Variants in CFDP1 observed in about 807,000 individuals in gnomAD.
The protein encoded by CFDP1 is chromatin remodeling protein CFDP1.
Under a neutral mutation model 40.1 loss-of-function variants are expected in CFDP1, and 31 were observed. The ratio of observed to expected loss-of-function variants is 0.77; its 90% CI spans 0.58 to 1.04. The LOEUF is 1.04. Among genes scored for constraint, CFDP1 ranks in the 50% least tolerant of loss-of-function variants. The probability of loss-of-function intolerance (pLI) is 0.00; values close to 1 mark genes in which losing one functional copy is unlikely to be tolerated. For synonymous variants in CFDP1, 167 were observed against 120.0 expected (o/e 1.39, Z -2.56); for missense variants, 423 against 343.4 (o/e 1.23, Z -1.83).
chr16:75,398,120 T>A (rs1287783623), intron 4 of CFDP1, among the ~76,000 whole-genome samples: 2 of 152,226 alleles, frequency 1.3e-5, no homozygotes, highest in Non-Finnish European at 2.9e-5. Context: ...TCTCAGATAC[T>A]CAGAGGCAAA....
At chr16:75,393,624 G>A (rs1003083329) in intron 5 of CFDP1, among the ~76,000 whole-genome samples, 16 of 150,330 alleles carry the variant, frequency 1.1e-4, no homozygotes, top group African/African-American at 2.2e-4. Context: ...CCAGCTACTC[G>A]GGAGGCTGAG....
chr16:75,401,062 G>A (rs1346574854), intron 4 of CFDP1, among the ~76,000 whole-genome samples: 3 of 152,120 alleles, frequency 2.0e-5, no homozygotes, highest in Non-Finnish European at 4.4e-5. Flanking sequence ...TTGGGAGGCC[G>A]AGGTGGGCAG....
At chr16:75,403,510 C>A (rs757583672) in intron 4 of CFDP1, among the ~76,000 whole-genome samples, 4 of 152,172 alleles carry the variant, frequency 2.6e-5, no homozygotes, top group Non-Finnish European at 4.4e-5. Flanking sequence ...TGTGCCACTG[C>A]GCCTGGCCTA....
rs76791030 is a variant in CFDP1 at position 75,325,535 on chromosome 16, T to G, written c.651-20353A>C. Among the ~76,000 whole-genome samples the G allele has an allele frequency of 3.2e-3, 480 of 152,346 alleles. 1 individual carries two copies. The highest frequency in any genetic ancestry group is 0.011 in the African/African-American group (454 of 41,580). The stretch of plus-strand genomic sequence containing the variant: ...TTTCTCTATCACACTTAGCATTTTC[T>G]AATGTATCCCATAATTTATTTGTTA... On this transcript the variant is annotated intron_variant, in intron 5 of 6. Coordinates refer to ENST00000283882, the MANE Select transcript of CFDP1 (RefSeq NM_006324.3).
chr16:75,334,627 G>A (rs187145305), intron 5 of CFDP1, among the ~76,000 whole-genome samples: 3 of 152,004 alleles, frequency 2.0e-5, no homozygotes, highest in Non-Finnish European at 2.9e-5. Flanking sequence ...CAAGGCTTAC[G>A]AAGAAACCAA....
chr16:75,349,761 G>C (rs1420401510), intron 5 of CFDP1, among the ~76,000 whole-genome samples: 2 of 133,858 alleles, frequency 1.5e-5, no homozygotes, highest in African/African-American at 5.6e-5. Context: ...TGCTGAACTT[G>C]TTCATTAGTT....
intron 5 of CFDP1, among the ~76,000 whole-genome samples, chr16:75,314,508 A>G (rs1228953344): frequency 1.3e-5 from 2 of 152,150 alleles, no homozygotes; most frequent in Non-Finnish European, 2.9e-5. Flanking sequence ...GCTGACAGCT[A>G]ATGACAGATA....
chr16:75,314,656 A>T (rs576407859), intron 5 of CFDP1, among the ~76,000 whole-genome samples: 12 of 152,226 alleles, frequency 7.9e-5, no homozygotes, highest in Non-Finnish European at 1.6e-4. Flanking sequence ...TTGAAAAATG[A>T]TAAATGACTA....
chr16:75,355,522 C>G (rs2078639511), intron 5 of CFDP1, among the ~76,000 whole-genome samples: 1 of 152,190 alleles, frequency 6.6e-6, no homozygotes, highest in African/African-American at 2.4e-5. Flanking sequence ...AGCAACTCCT[C>G]ATCTGTCAAA....
At chr16:75,321,149 A>T (rs1348776449) in intron 5 of CFDP1, among the ~76,000 whole-genome samples, 1 of 152,002 alleles carries the variant, frequency 6.6e-6, no homozygotes, top group Non-Finnish European at 1.5e-5. Context: ...TTATTTTTAC[A>T]AGACAAGATC....
intron 1 of CFDP1, among the ~76,000 whole-genome samples, chr16:75,425,114 A>T (rs1164567161): frequency 6.6e-6 from 1 of 152,202 alleles, no homozygotes; most frequent in Non-Finnish European, 1.5e-5. Flanking sequence ...TCATAGACTA[A>T]AATATAAGAT....
intron 1 of CFDP1, among the ~76,000 whole-genome samples, chr16:75,426,178 C>A (rs1480129526): frequency 6.6e-6 from 1 of 151,540 alleles, no homozygotes; most frequent in Non-Finnish European, 1.5e-5. Flanking sequence ...TGGAGAAACC[C>A]TGTCTCTACT....
intron 5 of CFDP1, among the ~76,000 whole-genome samples, chr16:75,322,763 A>T (rs971270235): frequency 7.0e-6 from 1 of 142,160 alleles, no homozygotes; most frequent in African/African-American, 2.6e-5. Context: ...TACAAATATT[A>T]AAAAAAAAAA....
At chr16:75,411,090 G>T (rs1171573157) in intron 4 of CFDP1, among the ~76,000 whole-genome samples, 2 of 151,802 alleles carry the variant, frequency 1.3e-5, no homozygotes, top group African/African-American at 4.8e-5. Flanking sequence ...TGGTTGCACA[G>T]GCTTGCAATC....
At chr16:75,426,533 A>G (rs1162725182) in intron 1 of CFDP1, among the ~76,000 whole-genome samples, 1 of 152,140 alleles carries the variant, frequency 6.6e-6, no homozygotes, top group East Asian at 1.9e-4. Flanking sequence ...TCTGCAGGCC[A>G]GGCATGGTGT....
At chr16:75,391,826 A>C (rs2078954152) in intron 5 of CFDP1, among the ~76,000 whole-genome samples, 2 of 151,754 alleles carry the variant, frequency 1.3e-5, no homozygotes, top group African/African-American at 4.8e-5. Flanking sequence ...AAAATCAGCC[A>C]GGTGTGGTGG....
intron 4 of CFDP1, among the ~76,000 whole-genome samples, chr16:75,410,941 A>T (rs914514885): frequency 1.3e-5 from 2 of 148,928 alleles, no homozygotes; most frequent in Non-Finnish European, 3.0e-5. Flanking sequence ...AAAAAAGGCC[A>T]GGAGTGGCAG....
intron 4 of CFDP1, among the ~76,000 whole-genome samples, chr16:75,399,432 C>T (rs1467000655): frequency 6.6e-6 from 1 of 152,164 alleles, no homozygotes; most frequent in East Asian, 1.9e-4. Context: ...ATGCTTTATT[C>T]CAGTCCTGCC....
intron 4 of CFDP1, among the ~76,000 whole-genome samples, chr16:75,401,664 G>C (rs1383727321): frequency 2.0e-5 from 3 of 152,262 alleles, no homozygotes; most frequent in South Asian, 4.1e-4. Flanking sequence ...GCTGGTGATA[G>C]AGAAGATGAA....
Sources: allele counts gnomAD v4.1 joint callset (sites outside exome capture counted in the v4.1 genomes callset), GRCh38; gene constraint gnomAD v4.1.1; transcripts MANE v1.5; gene names NCBI Gene and HGNC (gene_info 2026-07-23, HGNC 2026-07-21).